CDH13: variants seen among roughly 807,000 people sequenced by gnomAD.
CDH13 encodes the protein cadherin-13.
In CDH13, 24 loss-of-function variants were observed where a neutral mutation model predicts 63.8. The ratio of observed to expected loss-of-function variants is 0.38; its 90% CI spans 0.27 to 0.53. CDH13 has a LOEUF of 0.53. CDH13 is among the 20% of genes least tolerant of loss of function. CDH13 has a pLI of 0.85. For synonymous variants in CDH13, 503 were observed against 355.3 expected (o/e 1.42, Z -4.67); for missense variants, 1,049 against 903.1 (o/e 1.16, Z -2.07).
intron 4 of CDH13, among the ~76,000 whole-genome samples, chr16:83,151,004 T>G (rs932097256): frequency 2.0e-5 from 3 of 152,214 alleles, no homozygotes; most frequent in Non-Finnish European, 2.9e-5. Flanking sequence ...TTATTCATCT[T>G]TATGTGAAAC....
At chr16:82,778,480 A>G (rs1303473994) in intron 1 of CDH13, among the ~76,000 whole-genome samples, 1 of 151,168 alleles carries the variant, frequency 6.6e-6, no homozygotes, top group Non-Finnish European at 1.5e-5. Context: ...TCTCCCTGGA[A>G]TAGAAGGTTT....
chr16:82,872,496 A>G (rs977962267), intron 2 of CDH13, among the ~76,000 whole-genome samples: 11 of 152,356 alleles, frequency 7.2e-5, no homozygotes, highest in African/African-American at 2.6e-4. Context: ...CTGCTTTAAT[A>G]AGTAAGGCAT....
chr16:83,396,278 G>A (rs551565358), intron 6 of CDH13, among the ~76,000 whole-genome samples: 4 of 152,098 alleles, frequency 2.6e-5, no homozygotes, highest in Non-Finnish European at 5.9e-5. Flanking sequence ...TAAAATGGGG[G>A]TAATCCATTC....
At chr16:83,556,653 A>G (rs2150679825) in intron 7 of CDH13, among the ~76,000 whole-genome samples, 1 of 152,324 alleles carries the variant, frequency 6.6e-6, no homozygotes, top group Middle Eastern at 3.4e-3. Context: ...GGTATTTCTC[A>G]CAAATCAAGG....
At chr16:83,156,252 TTTCATC>T (rs1314708607) in intron 4 of CDH13, among the ~76,000 whole-genome samples, 1 of 152,200 alleles carries the variant, frequency 6.6e-6, no homozygotes, top group East Asian at 1.9e-4. Context: ...GGCAACCTCT[TTTCATC>T]TCTCTTTGTT....
chr16:83,058,249 C>G lies in CDH13; in HGVS notation c.366+26031C>G, dbSNP rs114654265. Among the ~76,000 whole-genome samples the G allele has an allele frequency of 4.6e-3, 707 of 152,208 alleles. 3 individuals are homozygous for G. The highest frequency in any genetic ancestry group is 0.016 in the African/African-American group (683 of 41,540). On this transcript the variant is annotated intron_variant, in intron 3 of 13. Transcript: ENST00000567109. ...TCTCAGAAGCTTTTTCTATTCTCATCTTTGTTGGTTACTGGGGAAAAACTG... is the reference window on the plus strand; with the variant it reads ...TCTCAGAAGCTTTTTCTATTCTCATGTTTGTTGGTTACTGGGGAAAAACTG...
At chr16:82,835,625 A>G (rs1367596074) in intron 1 of CDH13, among the ~76,000 whole-genome samples, 1 of 152,116 alleles carries the variant, frequency 6.6e-6, no homozygotes, top group East Asian at 1.9e-4. Flanking sequence ...ATACAGTCCT[A>G]TGCTCCCAGC....
At chr16:83,573,940 C>G (rs1213494903) in intron 7 of CDH13, among the ~76,000 whole-genome samples, 3 of 152,060 alleles carry the variant, frequency 2.0e-5, no homozygotes, top group African/African-American at 7.2e-5. Context: ...CCATCTTGCT[C>G]CAGATTTCAG....
At chr16:82,779,193 C>T (rs573237596) in intron 1 of CDH13, among the ~76,000 whole-genome samples, 2 of 152,302 alleles carry the variant, frequency 1.3e-5, no homozygotes, top group East Asian at 3.9e-4. Context: ...GACAAATTTA[C>T]TCCTTAGAAG....
intron 6 of CDH13, among the ~76,000 whole-genome samples, chr16:83,355,680 G>T (rs2091037698): frequency 6.6e-6 from 1 of 152,192 alleles, no homozygotes; most frequent in Non-Finnish European, 1.5e-5. Flanking sequence ...GATGGGGTTG[G>T]AGGGGGTGAA....
intron 3 of CDH13, among the ~76,000 whole-genome samples, chr16:83,058,431 C>G (rs572086611): frequency 6.6e-6 from 1 of 152,154 alleles, no homozygotes; most frequent in South Asian, 2.1e-4. Flanking sequence ...CATGGGGGTA[C>G]CAAATAATTC....
At chr16:82,941,872 A>G (rs977122797) in intron 2 of CDH13, among the ~76,000 whole-genome samples, 2 of 152,194 alleles carry the variant, frequency 1.3e-5, no homozygotes, top group African/African-American at 4.8e-5. Flanking sequence ...GTTCTCCAGA[A>G]TATAACAGTT....
intron 5 of CDH13, among the ~76,000 whole-genome samples, chr16:83,280,803 C>G (rs2089147249): frequency 6.6e-6 from 1 of 152,214 alleles, no homozygotes; most frequent in Non-Finnish European, 1.5e-5. Context: ...AAAAACATTA[C>G]TCTTGGACAT....
chr16:83,422,151 A>G (rs936433785), intron 6 of CDH13, among the ~76,000 whole-genome samples: 4 of 152,220 alleles, frequency 2.6e-5, no homozygotes, highest in Admixed American at 2.0e-4. Context: ...TTTGAAGGCC[A>G]TGTTCCCCTT....
intron 5 of CDH13, among the ~76,000 whole-genome samples, chr16:83,249,019 G>A (rs893478848): frequency 3.3e-5 from 5 of 152,178 alleles, no homozygotes; most frequent in Admixed American, 2.0e-4. Context: ...CTTATACTCA[G>A]GGACTGTAGT....
Position 82,968,977 on chromosome 16 carries a change from G to A in CDH13, c.158-63033G>A, listed in dbSNP as rs140118210. ...TCTACAAAATATACAAAAATTAGTT[G>A]GGCATGGTAATCCCAGCTGCTCAGG... On this transcript the variant is annotated intron_variant, in intron 2 of 13. Transcript: ENST00000567109. Among the ~76,000 whole-genome samples, 1,143 of 152,192 alleles carry A rather than the reference G, an allele frequency of 7.5e-3. 13 individuals are homozygous for A. Among genetic ancestry groups the A allele is most frequent in the African/African-American group, 0.026 (1,075 of 41,514 alleles).
At chr16:82,855,789 T>C (rs1055067993) in intron 1 of CDH13, among the ~76,000 whole-genome samples, 5 of 152,150 alleles carry the variant, frequency 3.3e-5, no homozygotes, top group Non-Finnish European at 7.4e-5. Context: ...TCTCTGATGT[T>C]GTTCAGGCCA....
At chr16:82,937,311 A>C (rs2042699892) in intron 2 of CDH13, among the ~76,000 whole-genome samples, 2 of 151,736 alleles carry the variant, frequency 1.3e-5, no homozygotes, top group African/African-American at 4.8e-5. Context: ...CTTTGTTGCT[A>C]TTTTACTTTT....
intron 9 of CDH13, among the ~76,000 whole-genome samples, chr16:83,677,505 G>A (rs2150869247): frequency 1.3e-5 from 1 of 77,988 alleles, no homozygotes; most frequent in South Asian, 3.5e-4. Context: ...ATTTTCACAT[G>A]CCCTCAGTTG....
Sources: gnomAD v4.1 joint callset for allele counts (sites outside exome capture counted in the v4.1 genomes callset) on GRCh38, gnomAD v4.1.1 for gene constraint, MANE v1.5 for transcripts, NCBI Gene and HGNC (gene_info 2026-07-23, HGNC 2026-07-21) for gene names.